Variants in RAP1GAP2 observed in about 807,000 individuals in gnomAD.
RAP1GAP2 encodes the protein RAP1 GTPase activating protein 2, also known as rap1 GTPase-activating protein 2.
In RAP1GAP2, 27 loss-of-function variants were observed where a neutral mutation model predicts 95.0. That is an observed-to-expected ratio of 0.28 (90% CI 0.21 to 0.39). RAP1GAP2 has a LOEUF of 0.39. Ranked by LOEUF, RAP1GAP2 falls within the 10% of genes least tolerant of loss-of-function variation. The pLI is 1.00. For missense variants in RAP1GAP2, 771 were observed against 970.0 expected (o/e 0.79, Z 2.72); for synonymous variants, 373 against 380.9 (o/e 0.98, Z 0.24).
chr17:2,996,001 C>CA lies in RAP1GAP2; in HGVS notation c.1044+536dup, dbSNP rs756103731. Among the ~76,000 whole-genome samples the CA allele has an allele frequency of 0.014, 2,127 of 152,282 alleles. 176 individuals are homozygous for CA. In the East Asian group the frequency reaches 0.23, roughly 16 times the overall value. On this transcript the variant is annotated intron_variant, in intron 13 of 24. Transcript: ENST00000254695. ...AGAGGGTGATTGTGGGGATTACATA[C>CA]ATTTCTGACTAGGGTTCATACGATG...
chr17:2,865,721 A>G (rs899163313), intron 2 of RAP1GAP2, among the ~76,000 whole-genome samples: 5 of 152,186 alleles, frequency 3.3e-5, no homozygotes, highest in Admixed American at 6.5e-5. Context: ...AGGTCCCCCA[A>G]GGGTATGGCC....
intron 2 of RAP1GAP2, among the ~76,000 whole-genome samples, chr17:2,858,417 G>C (rs1431919197): frequency 2.6e-5 from 4 of 152,066 alleles, no homozygotes; most frequent in Non-Finnish European, 5.9e-5. Flanking sequence ...AAAAAATTTT[G>C]TTGTGAAAAT....
intron 2 of RAP1GAP2, among the ~76,000 whole-genome samples, chr17:2,809,923 T>C (rs1401194766): frequency 1.3e-5 from 2 of 151,944 alleles, no homozygotes; most frequent in Non-Finnish European, 2.9e-5. Flanking sequence ...TTCTATCCCC[T>C]TCCTCCCGCT....
chr17:3,032,411 G>T lies in RAP1GAP2; in HGVS notation c.2185G>T (p.Gly729Cys). ...DKLSHASSGA[G>C]H is the part of the protein sequence containing the mutation. ...CCTGTATGGATTTTTGTTGAAACAG[G>T]GTCACTAATGTGAAAGTGGAGTCCT... The change falls in exon 24 of 25, where the codon GGT (glycine) becomes TGT (cysteine). Residue 729 changes from glycine to cysteine, a missense_variant and splice_region_variant. Coordinates refer to ENST00000254695, the MANE Select transcript of RAP1GAP2 (RefSeq NM_015085.5). The T allele has an allele frequency of 1.2e-6, 2 of 1,613,954 alleles. No homozygotes were observed. Among genetic ancestry groups the T allele is most frequent in the Non-Finnish European group, 8.5e-7 (1 of 1,179,820 alleles).
intron 1 of RAP1GAP2, among the ~76,000 whole-genome samples, chr17:2,769,292 A>T (rs2068340980): frequency 7.3e-6 from 1 of 137,312 alleles, no homozygotes; most frequent in Non-Finnish European, 1.5e-5. Context: ...GCGGTGGCTC[A>T]CGCCTGTAAT....
chr17:2,861,538 G>A (rs996147492), intron 2 of RAP1GAP2, among the ~76,000 whole-genome samples: 34 of 151,354 alleles, frequency 2.2e-4, no homozygotes, highest in African/African-American at 7.3e-4. Flanking sequence ...CGTGATCTGG[G>A]TTCACTGCAA....
chr17:2,790,501 A>T (rs974225686), intron 1 of RAP1GAP2, among the ~76,000 whole-genome samples: 6 of 152,188 alleles, frequency 3.9e-5, no homozygotes, highest in African/African-American at 1.4e-4. Flanking sequence ...TAGTAGGCTG[A>T]AGTCTCAAAA....
intron 3 of RAP1GAP2, among the ~76,000 whole-genome samples, chr17:2,919,210 A>C (rs1338921880): frequency 2.0e-5 from 3 of 152,196 alleles, no homozygotes; most frequent in African/African-American, 7.2e-5. Context: ...AAAAAGGCTA[A>C]AAACCAGGAT....
intron 3 of RAP1GAP2, among the ~76,000 whole-genome samples, chr17:2,937,907 C>T (rs978431790): frequency 2.0e-5 from 3 of 152,186 alleles, no homozygotes; most frequent in Non-Finnish European, 4.4e-5. Context: ...TGTCTTCCCC[C>T]AGCCCCTGGA....
At chr17:2,911,680 G>GTGGGGAGGTGGGGTGGGA (rs2042386784) in intron 3 of RAP1GAP2, among the ~76,000 whole-genome samples, 1 of 150,542 alleles carries the variant, frequency 6.6e-6, no homozygotes, top group Non-Finnish European at 1.5e-5. Context: ...GAAACGCTAT[G>GTGGGGAGGTGGGGTGGGA]TGGGGAGGTG....
At chr17:2,816,236 G>GTT (rs771052650) in intron 2 of RAP1GAP2, among the ~76,000 whole-genome samples, 55 of 145,238 alleles carry the variant, frequency 3.8e-4, no homozygotes, top group Non-Finnish European at 7.4e-4. Context: ...GTTTTGTTTT[G>GTT]TTTTTTTTTT....
intron 2 of RAP1GAP2, among the ~76,000 whole-genome samples, chr17:2,894,517 C>T (rs2073823146): frequency 6.6e-6 from 1 of 152,134 alleles, no homozygotes; most frequent in African/African-American, 2.4e-5. Flanking sequence ...CAGCTTCCAC[C>T]TCTGTTCTTG....
In RAP1GAP2 at chr17:2,797,880, A is replaced by G; in HGVS notation, c.44+1309A>G. 3.9e-6 allele frequency: 3 copies of G among 761,084 alleles called. No homozygotes were observed. Among genetic ancestry groups the G allele is most frequent in the Non-Finnish European group, 4.8e-6 (3 of 625,532 alleles). The allele number at this position is 761,084 out of a possible 1,614,324, so 47.1% of individuals were successfully genotyped here. A position where few individuals can be genotyped will look rare whatever the true frequency, so the allele number is the denominator to read the frequency against. On this transcript the variant is annotated intron_variant, in intron 1 of 24. Coordinates refer to ENST00000254695, the MANE Select transcript of RAP1GAP2 (RefSeq NM_015085.5). The surrounding 1 kb of genome is among the most constrained non-coding windows in gnomAD (Gnocchi z 5.6). ...GGGCCTTGCAGGGCAGGGCCCAGCA[A>G]TTAGATTGTGCCCTCCAAGGCCCGC... is the stretch of plus-strand genomic sequence containing the variant.
In RAP1GAP2 at chr17:2,844,932, G is replaced by A. The variant is rs373634551; in HGVS notation, c.80+44382G>A. 1.6e-4 allele frequency among the ~76,000 whole-genome samples: 25 copies of A among 152,278 alleles called. No homozygotes were observed. In the South Asian group the frequency reaches 4.6e-3, roughly 28 times the overall value. ...GGGTCCCCAACCTATAAGTTTTCTAGTTAGTCAGGCGTGTGAGCTGGCAAC... is the reference window on the plus strand; with the variant it reads ...GGGTCCCCAACCTATAAGTTTTCTAATTAGTCAGGCGTGTGAGCTGGCAAC... On this transcript the variant is annotated intron_variant, in intron 2 of 24. Transcript: ENST00000254695.
At chr17:2,964,163 T>C in intron 7 of RAP1GAP2, 95 bp downstream of exon 7, 1 of 1,205,144 alleles carries the variant, frequency 8.3e-7, no homozygotes, top group Non-Finnish European at 1.1e-6. Context: ...TGGGGAGAGG[T>C]TGAGGGAGGC....
At chr17:2,909,298 A>G (rs1350624958) in intron 3 of RAP1GAP2, among the ~76,000 whole-genome samples, 1 of 152,086 alleles carries the variant, frequency 6.6e-6, no homozygotes, top group African/African-American at 2.4e-5. Context: ...TATGGTGCAG[A>G]GTGCACAGTG....
intron 2 of RAP1GAP2, among the ~76,000 whole-genome samples, chr17:2,811,994 C>G (rs2069789109): frequency 6.6e-6 from 1 of 152,174 alleles, no homozygotes; most frequent in Admixed American, 6.5e-5. Context: ...GGATTACAGG[C>G]ATGAGTCACT....
At chr17:2,886,135 A>ATGTGTG (rs140784056) in intron 2 of RAP1GAP2, among the ~76,000 whole-genome samples, 9 of 130,554 alleles carry the variant, frequency 6.9e-5, no homozygotes, top group African/African-American at 2.3e-4. Context: ...ATATGTATTT[A>ATGTGTG]TGTGTGTGTG....
chr17:2,882,384 C>T (rs1324811084), intron 2 of RAP1GAP2, among the ~76,000 whole-genome samples: 1 of 151,832 alleles, frequency 6.6e-6, no homozygotes, highest in African/African-American at 2.4e-5. Context: ...CTCCACCTCC[C>T]AGGTTCAAGT....
Sources: allele counts gnomAD v4.1 joint callset (sites outside exome capture counted in the v4.1 genomes callset), GRCh38; gene constraint gnomAD v4.1.1; non-coding constraint Gnocchi (gnomAD v3.1); transcripts MANE v1.5; gene names NCBI Gene and HGNC (gene_info 2026-07-23, HGNC 2026-07-21).